The following HERC4 variants were observed in gnomAD, a reference collection of about 807,000 sequenced individuals.
HERC4 encodes HECT and RLD domain containing E3 ubiquitin protein ligase 4, also known as probable E3 ubiquitin-protein ligase HERC4.
A neutral mutation model predicts 124.3 loss-of-function variants in HERC4; 28 were observed. The ratio of observed to expected loss-of-function variants is 0.23; its 90% CI spans 0.17 to 0.31. The LOEUF is 0.31. HERC4 is among the 10% of genes least tolerant of loss of function. The pLI, the probability that HERC4 is intolerant of heterozygous loss-of-function variation, is 1.00. For missense variants in HERC4, 713 were observed against 1,229.3 expected, an observed-to-expected ratio of 0.58 and a Z score of 6.28; for synonymous variants, 407 against 421.5, an observed-to-expected ratio of 0.97 and a Z score of 0.42.
At chr10:67,957,276 T>C (rs1487511338) in intron 16 of HERC4, among the ~76,000 whole-genome samples, 1 of 152,200 alleles carries the variant, frequency 6.6e-6, no homozygotes, top group Non-Finnish European at 1.5e-5. Flanking sequence ...TGCAAATTTG[T>C]TCTAAAATTG....
At chr10:67,985,215 C>T (rs927254197) in intron 15 of HERC4, among the ~76,000 whole-genome samples, 1 of 152,000 alleles carries the variant, frequency 6.6e-6, no homozygotes, top group African/African-American at 2.4e-5. Flanking sequence ...AACATAAAGA[C>T]CAAAAAGTTT....
chr10:67,946,381 AC>A (rs1432990041), intron 19 of HERC4, among the ~76,000 whole-genome samples: 3 of 151,420 alleles, frequency 2.0e-5, no homozygotes, highest in African/African-American at 4.8e-5. Context: ...ACACACACAC[AC>A]ACACACACAC....
rs977133180 is a variant in HERC4 at position 67,929,639 on chromosome 10, C to T, written c.2838+2958G>A. ...AAGGGATCCTCCCACCTCAGCCTCCCGAGTAGCTGGGACTACTGGTGCACG... is the reference window on the plus strand; with the variant it reads ...AAGGGATCCTCCCACCTCAGCCTCCTGAGTAGCTGGGACTACTGGTGCACG... On this transcript the variant is annotated intron_variant, in intron 23 of 24. Transcript: ENST00000373700. Among the ~76,000 whole-genome samples, 23 of 152,120 alleles carry T rather than the reference C, an allele frequency of 1.5e-4. 1 individual carries two copies. The highest frequency in any genetic ancestry group is 5.3e-4 in the African/African-American group (22 of 41,490).
At chr10:67,992,384 G>T in intron 10 of HERC4, 61 bp from the exon 11 acceptor site, 1 of 1,562,430 alleles carries the variant, frequency 6.4e-7, no homozygotes, top group South Asian at 1.2e-5. Context: ...CAAAAACCAA[G>T]AAATTCCCAC....
intron 3 of HERC4, chr10:68,069,813 C>T (rs1389023208): frequency 3.6e-6 from 3 of 838,630 alleles, no homozygotes; most frequent in South Asian, 5.5e-5. Context: ...GAGGCCAAGG[C>T]GGGCAGATCA....
At chr10:68,059,251 G>T (rs1176083516) in intron 3 of HERC4, among the ~76,000 whole-genome samples, 2 of 151,200 alleles carry the variant, frequency 1.3e-5, no homozygotes, top group East Asian at 3.9e-4. Flanking sequence ...TTTTCATTGA[G>T]ATCATACTAA....
chr10:68,057,572 C>T (rs965848137), intron 3 of HERC4, among the ~76,000 whole-genome samples: 1 of 149,806 alleles, frequency 6.7e-6, no homozygotes, highest in South Asian at 2.1e-4. Flanking sequence ...CAAAGTGAGC[C>T]GAGATCACGC....
chr10:68,010,879 T>G (rs1007183199), intron 9 of HERC4: 1 of 1,471,174 alleles, frequency 6.8e-7, no homozygotes, highest in Non-Finnish European at 9.4e-7. Context: ...GTCCTGGGAC[T>G]GGATGAAGGG....
chr10:68,073,224 A>G (rs972215117), intron 2 of HERC4, 38 bp from the exon 3 acceptor site: 4 of 711,674 alleles, frequency 5.6e-6, no homozygotes, highest in Non-Finnish European at 9.4e-6. Flanking sequence ...ACTTCAAAGA[A>G]AAAAGGATGT....
chr10:68,009,941 T>C (rs1459784485), intron 9 of HERC4, among the ~76,000 whole-genome samples: 2 of 152,178 alleles, frequency 1.3e-5, no homozygotes, highest in African/African-American at 4.8e-5. Flanking sequence ...TTTTCTTTTT[T>C]TTCTCTCTAC....
rs1479131599 is a variant in HERC4 at position 68,014,040 on chromosome 10, C to T, written c.1055G>A (p.Cys352Tyr). The change falls in exon 9 of 25, where the codon TGT (cysteine) becomes TAT (tyrosine). Residue 352 changes from cysteine to tyrosine, a missense_variant. Cys to Tyr is a radical substitution (Grantham distance 194). Transcript: ENST00000373700. Reference sequence around the variant, plus strand: ...ACAGAACTTACCAATATCTGGTAGACACTGCCCATTATAGGGGTACCAATT... The same window carrying T: ...ACAGAACTTACCAATATCTGGTAGATACTGCCCATTATAGGGGTACCAATT... ...KGNWYPYNGQ[C>Y]LPDIDSEEYF... 1.9e-6 allele frequency: 3 copies of T among 1,608,158 alleles called. No homozygotes were observed. Among genetic ancestry groups the T allele is most frequent in the South Asian group, 2.2e-5 (2 of 89,774 alleles).
chr10:68,058,807 G>A lies in HERC4; in HGVS notation c.226+14076C>T, dbSNP rs181762416. On this transcript the variant is annotated intron_variant, in intron 3 of 24. Coordinates refer to ENST00000373700, the MANE Select transcript of HERC4 (RefSeq NM_015601.4). ...CCAAGAAAACAGATCTAGCAACAGA[G>A]CCAGGATTTTTATGTAAGCACTCTA... Among the ~76,000 whole-genome samples the A allele has an allele frequency of 1.3e-3, 192 of 151,332 alleles. 2 individuals are homozygous for A. Among genetic ancestry groups the A allele is most frequent in the Non-Finnish European group, 1.6e-4 (11 of 67,866 alleles).
chr10:68,046,693 G>A (rs920557585), intron 3 of HERC4, among the ~76,000 whole-genome samples: 3 of 152,242 alleles, frequency 2.0e-5, no homozygotes, highest in Non-Finnish European at 2.9e-5. Context: ...TAGTCCAGGC[G>A]AGGTAGCTCA....
chr10:67,952,807 G>A (rs188809030), intron 19 of HERC4, among the ~76,000 whole-genome samples: 2,155 of 151,866 alleles, frequency 0.014, 53 homozygotes, highest in African/African-American at 0.049. Flanking sequence ...GGCTGAGGCA[G>A]GAGAATGGCA....
intron 3 of HERC4, among the ~76,000 whole-genome samples, chr10:68,049,747 C>CA (rs998464133): frequency 6.6e-6 from 1 of 151,636 alleles, no homozygotes; most frequent in Non-Finnish European, 1.5e-5. Flanking sequence ...CCTGTCTCTA[C>CA]AAAAAAATTA....
In HERC4 at chr10:67,944,803, A is replaced by G. The variant is rs111457740; in HGVS notation, c.2338-3698T>C. 6.3e-3 allele frequency among the ~76,000 whole-genome samples: 965 copies of G among 152,338 alleles called. 8 individuals carry two copies. Among genetic ancestry groups the G allele is most frequent in the African/African-American group, 0.022 (895 of 41,578 alleles). ...TCTAGAGTTGAAAAATGCAACTGACATGCTGAAGAATAATGCATCAGTGTC... is the reference window on the plus strand; with the variant it reads ...TCTAGAGTTGAAAAATGCAACTGACGTGCTGAAGAATAATGCATCAGTGTC... On this transcript the variant is annotated intron_variant, in intron 19 of 24. Transcript: ENST00000373700.
chr10:67,964,206 T>C lies in HERC4; in HGVS notation c.1926+2477A>G, dbSNP rs545028470. Among the ~76,000 whole-genome samples the C allele has an allele frequency of 4.0e-5, 6 of 151,164 alleles. No homozygotes were observed. In the South Asian group the frequency reaches 1.1e-3, roughly 27 times the overall value. ...TCTTTACAACATCCCAACCCAAGAATGGTATTATCAAGGTTACCAATTACC... is the reference window on the plus strand; with the variant it reads ...TCTTTACAACATCCCAACCCAAGAACGGTATTATCAAGGTTACCAATTACC... On this transcript the variant is annotated intron_variant, in intron 16 of 24. Coordinates refer to ENST00000373700, the MANE Select transcript of HERC4 (RefSeq NM_015601.4).
At chr10:67,945,712 T>C (rs934538952) in intron 19 of HERC4, among the ~76,000 whole-genome samples, 1 of 152,152 alleles carries the variant, frequency 6.6e-6, no homozygotes, top group Middle Eastern at 3.4e-3. Flanking sequence ...AGTTAAAGCA[T>C]AAAGTTTTTA....
chr10:68,056,027 C>A (rs1311740720), intron 3 of HERC4, among the ~76,000 whole-genome samples: 1 of 152,042 alleles, frequency 6.6e-6, no homozygotes, highest in East Asian at 1.9e-4. Flanking sequence ...GGATTACAAG[C>A]GTAAGCCACC....
Sources: allele counts gnomAD v4.1 joint callset (sites outside exome capture counted in the v4.1 genomes callset), GRCh38; gene constraint gnomAD v4.1.1; transcripts MANE v1.5; gene names NCBI Gene and HGNC (gene_info 2026-07-23, HGNC 2026-07-21).